SNTG1: variants seen among roughly 807,000 people sequenced by gnomAD.
SNTG1 encodes gamma-1-syntrophin.
Under a neutral mutation model 74.7 loss-of-function variants are expected in SNTG1, and 39 were observed. That is an observed-to-expected ratio of 0.52 (90% CI 0.40 to 0.68). The LOEUF is 0.68. Among genes scored for constraint, SNTG1 ranks in the 30% least tolerant of loss-of-function variants. The pLI is 0.00. For synonymous variants in SNTG1, 254 were observed against 217.1 expected (o/e 1.17, Z -1.49); for missense variants, 685 against 609.5 (o/e 1.12, Z -1.30).
intron 2 of SNTG1, among the ~76,000 whole-genome samples, chr8:50,296,814 CAAAACG>C (rs1196658016): frequency 6.6e-6 from 1 of 151,014 alleles, no homozygotes. Flanking sequence ...AAAGAAAAAG[CAAAACG>C]AAAACAAAAA....
chr8:50,461,854 T>G (rs577466889), intron 8 of SNTG1, among the ~76,000 whole-genome samples: 3 of 152,248 alleles, frequency 2.0e-5, no homozygotes, highest in Middle Eastern at 3.4e-3. Context: ...TGCTTGCCTT[T>G]ATTAGAGAAT....
intron 1 of SNTG1, among the ~76,000 whole-genome samples, chr8:50,004,006 G>A (rs529503005): frequency 2.2e-4 from 34 of 152,176 alleles, no homozygotes; most frequent in Admixed American, 2.0e-3. Flanking sequence ...TGTTTTGATC[G>A]TCAGGACTTG....
chr8:50,516,892 C>T (rs947996136), intron 9 of SNTG1, among the ~76,000 whole-genome samples: 3 of 152,144 alleles, frequency 2.0e-5, no homozygotes, highest in African/African-American at 4.8e-5. Flanking sequence ...TCCAGGAGAA[C>T]TTCCCCTACA....
At chr8:50,076,754 A>C (rs1821933214) in intron 1 of SNTG1, among the ~76,000 whole-genome samples, 1 of 152,166 alleles carries the variant, frequency 6.6e-6, no homozygotes, top group African/African-American at 2.4e-5. Context: ...GGAAAAAAAT[A>C]ACTTTGCAAT....
At chr8:50,594,271 T>G (rs566676847) in intron 13 of SNTG1, among the ~76,000 whole-genome samples, 2 of 152,284 alleles carry the variant, frequency 1.3e-5, no homozygotes, top group African/African-American at 4.8e-5. Context: ...GTGTGTCATT[T>G]TTACTCATTT....
chr8:50,293,854 A>G (rs958675679), intron 2 of SNTG1, among the ~76,000 whole-genome samples: 3 of 152,078 alleles, frequency 2.0e-5, no homozygotes, highest in African/African-American at 7.2e-5. Flanking sequence ...CAAATCCTAC[A>G]TTTATGGGAG....
intron 2 of SNTG1, among the ~76,000 whole-genome samples, chr8:50,303,570 T>A (rs2089747327): frequency 6.6e-6 from 1 of 152,080 alleles, no homozygotes; most frequent in Non-Finnish European, 1.5e-5. Context: ...TAGAACATAT[T>A]ACATCTTCTA....
At chr8:50,096,971 T>C (rs2131200958) in intron 1 of SNTG1, among the ~76,000 whole-genome samples, 1 of 152,128 alleles carries the variant, frequency 6.6e-6, no homozygotes, top group East Asian at 1.9e-4. Context: ...TTTTTATTAT[T>C]ATTATTATTA....
At chr8:50,584,632 C>T (rs1271778396) in intron 12 of SNTG1, among the ~76,000 whole-genome samples, 1 of 151,234 alleles carries the variant, frequency 6.6e-6, no homozygotes, top group Non-Finnish European at 1.5e-5. Context: ...AACAATGCTG[C>T]TGTCACAAGC....
At chr8:50,405,816 A>G (rs577706791) in intron 4 of SNTG1, among the ~76,000 whole-genome samples, 1 of 152,096 alleles carries the variant, frequency 6.6e-6, no homozygotes, top group South Asian at 2.1e-4. Context: ...TAACTTCTGT[A>G]CATAGCATTA....
At chr8:50,352,868 C>G (rs2131014178) in intron 2 of SNTG1, among the ~76,000 whole-genome samples, 1 of 152,178 alleles carries the variant, frequency 6.6e-6, no homozygotes, top group South Asian at 2.1e-4. Flanking sequence ...GGATCTAGAA[C>G]TAGAAATACC....
At chr8:49,985,563 GA>G (rs148086841) in intron 1 of SNTG1, among the ~76,000 whole-genome samples, 205 of 152,220 alleles carry the variant, frequency 1.3e-3, no homozygotes, top group Non-Finnish European at 2.0e-3. Flanking sequence ...GATGACAATA[GA>G]AATTTTTTTA....
At chr8:50,623,833 T>C (rs557035463) in intron 13 of SNTG1, among the ~76,000 whole-genome samples, 22 of 152,176 alleles carry the variant, frequency 1.4e-4, no homozygotes, top group African/African-American at 5.3e-4. Flanking sequence ...GTTTTGTTTA[T>C]ATCATATGTA....
At chr8:50,438,297 CTT>C (rs1362764640) in intron 4 of SNTG1, among the ~76,000 whole-genome samples, 2 of 152,130 alleles carry the variant, frequency 1.3e-5, no homozygotes, top group Non-Finnish European at 2.9e-5. Flanking sequence ...TTGAGAAGAA[CTT>C]ATTTTTAAGA....
chr8:50,227,866 G>A (rs943058790), intron 2 of SNTG1, among the ~76,000 whole-genome samples: 1 of 142,780 alleles, frequency 7.0e-6, no homozygotes, highest in Non-Finnish European at 1.5e-5. Flanking sequence ...TTCATCTTTA[G>A]TTTATACTCA....
At chr8:49,927,729 T>A (rs576467627) in intron 1 of SNTG1, among the ~76,000 whole-genome samples, 15 of 152,126 alleles carry the variant, frequency 9.9e-5, no homozygotes, top group Non-Finnish European at 1.0e-4. Flanking sequence ...ACAGTAAAAC[T>A]AAACTGTATG....
intron 1 of SNTG1, among the ~76,000 whole-genome samples, chr8:50,023,848 A>G (rs1817035647): frequency 6.6e-6 from 1 of 152,208 alleles, no homozygotes; most frequent in Non-Finnish European, 1.5e-5. Context: ...AATGATTGAC[A>G]TGAAACAGGA....
intron 13 of SNTG1, among the ~76,000 whole-genome samples, chr8:50,633,939 A>G (rs571286104): frequency 5.9e-5 from 9 of 152,272 alleles, no homozygotes; most frequent in Admixed American, 4.6e-4. Flanking sequence ...TTATATGCCT[A>G]TGATTCTCTC....
chr8:50,067,042 T>A (rs79259485), intron 1 of SNTG1, among the ~76,000 whole-genome samples: 1 of 152,202 alleles, frequency 6.6e-6, no homozygotes, highest in Admixed American at 6.5e-5. Flanking sequence ...TCTTTTTTTT[T>A]GAAAGACATA....
Sources: allele counts gnomAD v4.1 joint callset (sites outside exome capture counted in the v4.1 genomes callset), GRCh38; gene constraint gnomAD v4.1.1; transcripts MANE v1.5; gene names NCBI Gene and HGNC (gene_info 2026-07-23, HGNC 2026-07-21).